LRRK2: variants seen among roughly 807,000 people sequenced by gnomAD.
LRRK2 encodes the protein leucine-rich repeat serine/threonine-protein kinase 2.
LRRK2 carries 203 observed loss-of-function variants against 302.6 expected under a neutral mutation model. The ratio of observed to expected loss-of-function variants is 0.67; its 90% CI spans 0.60 to 0.75. LRRK2 has a LOEUF of 0.75. LRRK2 is among the 30% of genes least tolerant of loss of function. The pLI, the probability that LRRK2 is intolerant of heterozygous loss-of-function variation, is 0.00. For missense variants in LRRK2, 2,830 were observed against 2,951.0 expected (o/e 0.96, Z 0.95); for synonymous variants, 1,066 against 1,031.9 (o/e 1.03, Z -0.63).
chr12:40,299,779 C>G (rs987384341), intron 25 of LRRK2, among the ~76,000 whole-genome samples: 2 of 152,038 alleles, frequency 1.3e-5, no homozygotes, highest in African/African-American at 4.8e-5. Flanking sequence ...ATTGGAACAA[C>G]TGTGCCAAAC....
chr12:40,349,896 G>A (rs1428925598), intron 43 of LRRK2, among the ~76,000 whole-genome samples: 2 of 152,178 alleles, frequency 1.3e-5, no homozygotes, highest in Non-Finnish European at 2.9e-5. Flanking sequence ...CTACATACAG[G>A]TCTTGCATAT....
chr12:40,311,523 T>C (rs1945037893), intron 31 of LRRK2, among the ~76,000 whole-genome samples: 1 of 152,212 alleles, frequency 6.6e-6, no homozygotes, highest in Non-Finnish European at 1.5e-5. Context: ...TACTGGCTGA[T>C]AAATAGAGTC....
Position 40,363,593 on chromosome 12 carries a change from T to C in LRRK2, c.7181+39T>C, listed in dbSNP as rs200881534. On this transcript the variant is annotated intron_variant, in intron 48 of 50. Transcript: ENST00000298910. ...TTTTTAATTTTATTCCCAAAAGAAT[T>C]ATCTTTGCACTTCATGTGTCACAGA... 22 of 1,598,704 alleles carry C rather than the reference T, an allele frequency of 1.4e-5. No homozygotes were observed. In the Middle Eastern group the frequency reaches 5.0e-4, roughly 36 times the overall value.
rs905690564 is a variant in LRRK2 at position 40,323,244 on chromosome 12, C to G, written c.5594C>G (p.Pro1865Arg). ...CCTGACTTGATTTTGGCTGACCTGCCTAGAAATATTATGTTGAATAATGAT... is the reference window on the plus strand; with the variant it reads ...CCTGACTTGATTTTGGCTGACCTGCGTAGAAATATTATGTTGAATAATGAT... ...IAPDLILADL[P>R]RNIMLNNDEL... Residue 1865 changes from proline (P) to arginine (R), a missense_variant, in exon 38 of 51, where the codon CCT becomes CGT. By Grantham distance (103) the Pro-to-Arg change is moderately radical. Coordinates refer to ENST00000298910, the MANE Select transcript of LRRK2 (RefSeq NM_198578.4). 1 of 1,613,218 alleles carries G rather than the reference C, an allele frequency of 6.2e-7. No homozygotes were observed. The highest frequency in any genetic ancestry group is 8.5e-7 in the Non-Finnish European group (1 of 1,179,458).
intron 16 of LRRK2, among the ~76,000 whole-genome samples, chr12:40,275,733 C>T (rs17490935): frequency 0.012 from 1,780 of 151,952 alleles, 42 homozygotes; most frequent in African/African-American, 0.041. Flanking sequence ...GCCTCAGCCT[C>T]CTGAGTAGCT....
In LRRK2 at chr12:40,348,293, G is replaced by A. The variant is rs1257533859; in HGVS notation, c.6281-116G>A. 9.1e-5 allele frequency: 66 copies of A among 727,534 alleles called. No homozygotes were observed. The Admixed American group carries it at 1.5e-3, about 17-fold the overall frequency. 45.1% of individuals were successfully genotyped at this position (727,534 alleles called of 1,614,324 possible). ...TGACAAGTAAATTTACATAAATATA[G>A]GATTATGGAGATAATATTTTTCTTT... On this transcript the variant is annotated intron_variant, in intron 42 of 50. Transcript: ENST00000298910.
At chr12:40,340,224 A>C (rs1165516455) in intron 40 of LRRK2, 70 bp from the exon 41 acceptor site, 1 of 1,515,810 alleles carries the variant, frequency 6.6e-7, no homozygotes, top group Non-Finnish European at 9.1e-7. Context: ...TTTATATTTA[A>C]GGAAATTAGG....
Position 40,267,009 on chromosome 12 carries a change from G to A in LRRK2, c.1656+3108G>A, listed in dbSNP as rs577537208. Among the ~76,000 whole-genome samples, 11 of 151,414 alleles carry A rather than the reference G, an allele frequency of 7.3e-5. 1 individual carries two copies. Among genetic ancestry groups the A allele is most frequent in the African/African-American group, 2.7e-4 (11 of 41,244 alleles). On this transcript the variant is annotated intron_variant, in intron 14 of 50. Coordinates refer to ENST00000298910, the MANE Select transcript of LRRK2 (RefSeq NM_198578.4). ...TTGTGGGGTGGGGGGAGGGGGGATA[G>A]CATTTGGAGATATACCTAATGTTAA...
At position 40,367,000 on chromosome 12, in the gene LRRK2, G is replaced by T. The variant is rs756252070; in HGVS notation, c.7391-6G>T. ...CAGAAAACTTACATATTTTGTTTTTGTAAAGGAAGCCTTAAAAATGTCATG... is the reference window on the plus strand; with the variant it reads ...CAGAAAACTTACATATTTTGTTTTTTTAAAGGAAGCCTTAAAAATGTCATG... On this transcript the variant is annotated splice_region_variant and splice_polypyrimidine_tract_variant and intron_variant, in intron 49 of 50. Transcript: ENST00000298910. 1.0e-5 allele frequency: 16 copies of T among 1,605,456 alleles called. No individual in the cohort carries two copies. The highest frequency in any genetic ancestry group is 1.4e-5 in the Non-Finnish European group (16 of 1,174,098).
At chr12:40,356,957 TCTC>T (rs1946559863) in intron 46 of LRRK2, among the ~76,000 whole-genome samples, 1 of 152,296 alleles carries the variant, frequency 6.6e-6, no homozygotes, top group South Asian at 2.1e-4. Context: ...ACATTTCAAG[TCTC>T]CTAGTTATTT....
chr12:40,282,783 C>T (rs1346368449), intron 18 of LRRK2, among the ~76,000 whole-genome samples: 1 of 152,138 alleles, frequency 6.6e-6, no homozygotes, highest in Non-Finnish European at 1.5e-5. Context: ...CCCTTGGAAA[C>T]ACTTTAATTC....
chr12:40,293,737 C>T (rs1471928817), intron 21 of LRRK2, 74 bp downstream of exon 21: 2 of 991,776 alleles, frequency 2.0e-6, no homozygotes, highest in Non-Finnish European at 3.2e-6. Context: ...AAATTTATGC[C>T]AAAGCTAGGA....
Position 40,359,360 on chromosome 12 carries a change from T to G in LRRK2, c.6944T>G (p.Met2315Arg), listed in dbSNP as rs750442494. The change falls in exon 47 of 51, where the codon ATG (methionine) becomes AGG (arginine). Residue 2315 changes from methionine (M) to arginine (R), a missense_variant. Met to Arg is a moderately conservative substitution (Grantham distance 91). Coordinates refer to ENST00000298910, the MANE Select transcript of LRRK2 (RefSeq NM_198578.4). ...ESTNSTERNV[M>R]WGGCGTKIFS... ...ACAAATTCAACGGAAAGAAATGTAA[T>G]GTGGGGAGGATGTGGCACAAAGATT... 1.2e-6 allele frequency: 2 copies of G among 1,613,180 alleles called. No individual in the cohort carries two copies. The highest frequency in any genetic ancestry group is 1.7e-6 in the Non-Finnish European group (2 of 1,179,578).
At chr12:40,320,921 A>C (rs1945382852) in intron 34 of LRRK2, 113 bp from the exon 35 acceptor site, 2 of 1,295,870 alleles carry the variant, frequency 1.5e-6, no homozygotes, top group African/African-American at 2.9e-5. Flanking sequence ...TTACAAAAAG[A>C]TTACAATTGT....
At chr12:40,237,757 G>T (rs1239853835) in intron 4 of LRRK2, among the ~76,000 whole-genome samples, 2 of 152,120 alleles carry the variant, frequency 1.3e-5, no homozygotes, top group Non-Finnish European at 2.9e-5. Context: ...TGAACTGGGA[G>T]TTTATCTCAT....
intron 11 of LRRK2, among the ~76,000 whole-genome samples, chr12:40,256,172 TG>T (rs1490393348): frequency 6.6e-6 from 1 of 152,124 alleles, no homozygotes; most frequent in Non-Finnish European, 1.5e-5. Context: ...ATTGGCCAGT[TG>T]TGGTGGCTCA....
chr12:40,346,839 AT>A lies in LRRK2; in HGVS notation c.6200del (p.Leu2067Ter), dbSNP rs757086280. ...VYSFGLLLYD[I>X]LTTGGRIVEG... ...TTCATTTGGTTTACTACTCTATGAC[AT>A]TTTGACAACTGGAGGTAGAATAGTA... On this transcript the variant is annotated frameshift_variant, in exon 42 of 51. Coordinates refer to ENST00000298910, the MANE Select transcript of LRRK2 (RefSeq NM_198578.4). LOFTEE classifies it high-confidence loss of function. The A allele has an allele frequency of 6.2e-7, 1 of 1,613,868 alleles. No homozygotes were observed. Among genetic ancestry groups the A allele is most frequent in the Non-Finnish European group, 8.5e-7 (1 of 1,179,854 alleles).
At chr12:40,226,380 A>G (rs933452029) in intron 2 of LRRK2, among the ~76,000 whole-genome samples, 2 of 152,216 alleles carry the variant, frequency 1.3e-5, no homozygotes, top group Admixed American at 6.5e-5. Context: ...GATTTGGGGA[A>G]CTGAAATCAG....
intron 39 of LRRK2, among the ~76,000 whole-genome samples, chr12:40,329,461 G>GA (rs1945647212): frequency 6.6e-6 from 1 of 151,644 alleles, no homozygotes; most frequent in South Asian, 2.1e-4. Context: ...TTTATATTCT[G>GA]GTCTGTACTC....
Sources: gnomAD v4.1 joint callset for allele counts (sites outside exome capture counted in the v4.1 genomes callset) on GRCh38, gnomAD v4.1.1 for gene constraint, MANE v1.5 for transcripts, NCBI Gene and HGNC (gene_info 2026-07-23, HGNC 2026-07-21) for gene names.